ZCWPW2: variants seen among roughly 807,000 people sequenced by gnomAD.
The protein encoded by ZCWPW2 is zinc finger CW-type PWWP domain protein 2.
A neutral mutation model predicts 46.6 loss-of-function variants in ZCWPW2; 45 were observed. The ratio of observed to expected loss-of-function variants is 0.96; its 90% confidence interval spans 0.76 to 1.24. The LOEUF is 1.24. Ranked by LOEUF, ZCWPW2 falls within the 50% of genes most tolerant of loss-of-function variation. The pLI is 0.00. For synonymous variants in ZCWPW2, 152 were observed against 137.1 expected (o/e 1.11, Z -0.76); for missense variants, 429 against 403.9 (o/e 1.06, Z -0.53).
At chr3:28,448,018 G>A in intron 4 of ZCWPW2, 2 of 390,536 alleles carry the variant, frequency 5.1e-6, no homozygotes, top group Middle Eastern at 1.7e-3. Flanking sequence ...CCTTATTAAG[G>A]AGCAGAAAAT....
intron 3 of ZCWPW2, among the ~76,000 whole-genome samples, chr3:28,417,358 T>C (rs956730821): frequency 3.3e-5 from 5 of 152,082 alleles, no homozygotes; most frequent in African/African-American, 4.8e-5. Context: ...GGCTCTGAAA[T>C]TGAGGCAATA....
At chr3:28,443,103 G>A (rs78828212) in intron 4 of ZCWPW2, among the ~76,000 whole-genome samples, 2 of 152,154 alleles carry the variant, frequency 1.3e-5, no homozygotes, top group African/African-American at 4.8e-5. Flanking sequence ...CCCACTGTAA[G>A]TCAGACCTGA....
At chr3:28,353,448 G>A (rs538003050) in intron 1 of ZCWPW2, among the ~76,000 whole-genome samples, 1 of 152,252 alleles carries the variant, frequency 6.6e-6, no homozygotes, top group East Asian at 1.9e-4. Flanking sequence ...AAAGAGGCAT[G>A]ATATCCAGTT....
intron 1 of ZCWPW2, among the ~76,000 whole-genome samples, chr3:28,388,225 G>A (rs146222089): frequency 2.0e-5 from 3 of 152,158 alleles, no homozygotes; most frequent in Admixed American, 6.5e-5. Context: ...TGCTAATCTC[G>A]TCCAAAAACA....
chr3:28,435,574 C>T (rs1260692393), intron 4 of ZCWPW2, among the ~76,000 whole-genome samples: 2 of 151,030 alleles, frequency 1.3e-5, no homozygotes, highest in Non-Finnish European at 3.0e-5. Context: ...CAAGCTCCGC[C>T]TCCTGGGTTC....
intron 5 of ZCWPW2, among the ~76,000 whole-genome samples, chr3:28,484,047 C>T (rs2125809406): frequency 6.6e-6 from 1 of 152,212 alleles, no homozygotes; most frequent in East Asian, 1.9e-4. Context: ...AAACCCTTGA[C>T]TTGTTCTTCA....
At chr3:28,430,571 G>T (rs1479422833) in intron 3 of ZCWPW2, among the ~76,000 whole-genome samples, 2 of 152,184 alleles carry the variant, frequency 1.3e-5, no homozygotes, top group Non-Finnish European at 2.9e-5. Context: ...GTTTTGTAAT[G>T]TGAGGACATG....
rs528754053 is a variant in ZCWPW2, at chr3:28,451,212, T to C, written c.492+15943T>C. Among the ~76,000 whole-genome samples, 4 of 152,330 alleles carry C rather than the reference T, an allele frequency of 2.6e-5. No homozygotes were observed. In the South Asian group the frequency reaches 8.3e-4, roughly 32 times the overall value. ...ATCAATCATATATTGAGTCTATATA[T>C]GTAGGCTAAAGATAGGTAGATCTTT... On this transcript the variant is annotated intron_variant, in intron 4 of 9. Coordinates refer to ENST00000383768, the MANE Select transcript of ZCWPW2 (RefSeq NM_001040432.4).
intron 4 of ZCWPW2, among the ~76,000 whole-genome samples, chr3:28,451,662 T>A (rs1698230329): frequency 6.6e-6 from 1 of 152,162 alleles, no homozygotes; most frequent in South Asian, 2.1e-4. Context: ...TGGATTAACA[T>A]CTAATTAAAA....
intron 1 of ZCWPW2, among the ~76,000 whole-genome samples, chr3:28,368,976 C>T (rs1705217752): frequency 6.6e-6 from 1 of 152,180 alleles, no homozygotes; most frequent in African/African-American, 2.4e-5. Context: ...GTGCATTCAT[C>T]ACGTAGTTCT....
chr3:28,413,570 G>C (rs897238174), intron 3 of ZCWPW2, among the ~76,000 whole-genome samples, 170 bp downstream of exon 3: 6 of 151,998 alleles, frequency 3.9e-5, no homozygotes, highest in African/African-American at 7.2e-5. Flanking sequence ...AAATGGGAAA[G>C]TTAGGTAACT....
chr3:28,419,940 G>A (rs1487048821), intron 3 of ZCWPW2, among the ~76,000 whole-genome samples: 7 of 110,150 alleles, frequency 6.4e-5, no homozygotes, highest in African/African-American at 2.4e-4. Context: ...GGGGGGAGGG[G>A]GGAGGGATAG....
intron 4 of ZCWPW2, among the ~76,000 whole-genome samples, chr3:28,439,164 C>G (rs1575136319): frequency 1.4e-5 from 2 of 142,550 alleles, no homozygotes; most frequent in Middle Eastern, 3.8e-3. Context: ...TATATATATA[C>G]CTACATATAA....
chr3:28,511,072 G>T (rs1267176853), intron 6 of ZCWPW2: 1 of 455,884 alleles, frequency 2.2e-6, no homozygotes, highest in Admixed American at 2.4e-5. Flanking sequence ...AAGACCCTGG[G>T]CATAATCAAT....
At chr3:28,368,979 G>A (rs1256178638) in intron 1 of ZCWPW2, among the ~76,000 whole-genome samples, 1 of 152,184 alleles carries the variant, frequency 6.6e-6, no homozygotes, top group African/African-American at 2.4e-5. Flanking sequence ...CATTCATCAC[G>A]TAGTTCTCGT....
At chr3:28,480,944 C>T (rs1699407308) in intron 5 of ZCWPW2, among the ~76,000 whole-genome samples, 1 of 148,522 alleles carries the variant, frequency 6.7e-6, no homozygotes, top group Non-Finnish European at 1.5e-5. Flanking sequence ...CAGCTCACTG[C>T]AAGCTCCACC....
chr3:28,429,618 G>A (rs549871239), intron 3 of ZCWPW2, among the ~76,000 whole-genome samples: 1 of 152,272 alleles, frequency 6.6e-6, no homozygotes, highest in South Asian at 2.1e-4. Context: ...AAGACAATGG[G>A]GAAAATGTCT....
chr3:28,413,451 A>G, intron 3 of ZCWPW2, 51 bp downstream of exon 3: 1 of 1,416,682 alleles, frequency 7.1e-7, no homozygotes, highest in Non-Finnish European at 9.5e-7. Context: ...TGCTAGGTTT[A>G]TGAATATTAA....
intron 6 of ZCWPW2, among the ~76,000 whole-genome samples, chr3:28,502,301 A>G (rs1199965279): frequency 6.6e-6 from 1 of 152,094 alleles, no homozygotes; most frequent in African/African-American, 2.4e-5. Flanking sequence ...CCTTTTATAC[A>G]CCATTTATGA....
Sources: gnomAD v4.1 joint callset for allele counts (sites outside exome capture counted in the v4.1 genomes callset) on GRCh38, gnomAD v4.1.1 for gene constraint, MANE v1.5 for transcripts, NCBI Gene and HGNC (gene_info 2026-07-23, HGNC 2026-07-21) for gene names.